TRIM55: variants seen among roughly 807,000 people sequenced by gnomAD.
TRIM55 encodes the protein tripartite motif containing 55, also known as tripartite motif-containing protein 55.
Under a neutral mutation model 60.9 loss-of-function variants are expected in TRIM55, and 50 were observed. That is an observed-to-expected ratio of 0.82 (90% CI 0.65 to 1.04). The LOEUF is 1.04. Among genes scored for constraint, TRIM55 ranks in the 50% least tolerant of loss-of-function variants. TRIM55 has a pLI of 0.00. For synonymous variants in TRIM55, 237 were observed against 238.1 expected (o/e 1.00, Z 0.04); for missense variants, 681 against 666.9 (o/e 1.02, Z -0.23).
intron 9 of TRIM55, among the ~76,000 whole-genome samples, chr8:66,171,211 GT>G (rs911203024): frequency 6.6e-6 from 1 of 152,116 alleles, no homozygotes; most frequent in African/African-American, 2.4e-5. Flanking sequence ...CTCATTAGTT[GT>G]TTTTCCTGAT....
intron 9 of TRIM55, among the ~76,000 whole-genome samples, chr8:66,159,535 T>A (rs1810930372): frequency 6.6e-6 from 1 of 152,220 alleles, no homozygotes; most frequent in Admixed American, 6.5e-5. Context: ...CATGTTTTCA[T>A]CTCTCTTGAG....
At chr8:66,174,402 A>G (rs1811807310) in intron 9 of TRIM55, 69 bp from the exon 10 acceptor site, 5 of 1,478,142 alleles carry the variant, frequency 3.4e-6, no homozygotes, top group Middle Eastern at 1.8e-4. Context: ...CCTCAATAGA[A>G]AAGTGACTGG....
At chr8:66,154,002 TC>T in intron 8 of TRIM55, 44 bp from the exon 9 acceptor site, 2 of 1,454,858 alleles carry the variant, frequency 1.4e-6, no homozygotes, top group South Asian at 1.3e-5. Context: ...TTCTTCTTCT[TC>T]TTTTTTTTTT....
At chr8:66,142,388 G>A (rs1240102493) in intron 4 of TRIM55, among the ~76,000 whole-genome samples, 1 of 152,312 alleles carries the variant, frequency 6.6e-6, no homozygotes, top group South Asian at 2.1e-4. Flanking sequence ...TGTGGCAACT[G>A]GAAATATAGG....
intron 4 of TRIM55, among the ~76,000 whole-genome samples, chr8:66,146,367 CA>C (rs887409179): frequency 1.4e-4 from 21 of 151,318 alleles, no homozygotes; most frequent in East Asian, 3.9e-4. Context: ...TTTAAACTGC[CA>C]AAAAAAATTA....
At chr8:66,144,556 A>C (rs1810002709) in intron 4 of TRIM55, among the ~76,000 whole-genome samples, 1 of 152,234 alleles carries the variant, frequency 6.6e-6, no homozygotes, top group African/African-American at 2.4e-5. Flanking sequence ...TGCTAAGCAC[A>C]CTCACACAGG....
the TRIM55 span, among the ~76,000 whole-genome samples, chr8:66,120,936 G>A: frequency 6.6e-6 from 1 of 152,200 alleles, no homozygotes. Flanking sequence ...GTTGGTGTCT[G>A]AAGTCAGGAC....
intron 9 of TRIM55, 96 bp downstream of exon 9, chr8:66,154,430 CAG>C: frequency 1.5e-6 from 2 of 1,316,394 alleles, no homozygotes; most frequent in Non-Finnish European, 2.1e-6. Context: ...TTCAAAGGGG[CAG>C]AGAGAAACCT....
chr8:66,152,399 A>C lies in TRIM55; in HGVS notation c.1008A>C (p.Glu336Asp). ...CAGAAGATGAAGATGAAGAAGAAGA[A>C]GAAGGCGGAGAAGGAGAAAAAGAAG... ...FYREDEDEEE[E>D]EGGEGEKEGE... is the part of the protein sequence containing the mutation. The change falls in exon 8 of 10, where the codon GAA becomes GAC. Residue 336 changes from glutamate (E) to aspartate (D), a missense_variant. By Grantham distance (45) the Glu-to-Asp change is conservative. Transcript: ENST00000315962. The C allele has an allele frequency of 6.2e-7, 1 of 1,601,374 alleles. No individual in the cohort carries two copies. The highest frequency in any genetic ancestry group is 8.5e-7 in the Non-Finnish European group (1 of 1,173,054).
At chr8:66,134,179 C>T (rs1360161196) in intron 2 of TRIM55, among the ~76,000 whole-genome samples, 1 of 152,132 alleles carries the variant, frequency 6.6e-6, no homozygotes, top group Admixed American at 6.5e-5. Context: ...AAAATGTAGT[C>T]CCAAATCTAA....
Position 66,127,255 on chromosome 8 carries a change from G to A in TRIM55, c.-14G>A, listed in dbSNP as rs773168450. On this transcript the variant is annotated 5_prime_UTR_variant, in exon 1 of 10. Transcript: ENST00000315962. Reference sequence around the variant, plus strand: ...GCACCCTTCCCTGGCAGCACACTTGGGGACAGCGAGGAGATGAGCGCATCT... The same window carrying A: ...GCACCCTTCCCTGGCAGCACACTTGAGGACAGCGAGGAGATGAGCGCATCT... The A allele has an allele frequency of 9.9e-6, 16 of 1,610,718 alleles. No homozygotes were observed. In the African/African-American group the frequency reaches 1.5e-4, roughly 15 times the overall value.
intron 9 of TRIM55, among the ~76,000 whole-genome samples, chr8:66,172,919 T>G (rs1464471436): frequency 1.3e-5 from 2 of 152,204 alleles, no homozygotes; most frequent in African/African-American, 4.8e-5. Context: ...TTCGGGGTTT[T>G]TTGTTGTTGT....
At chr8:66,121,007 A>G in the TRIM55 span, among the ~76,000 whole-genome samples, 1 of 151,834 alleles carries the variant, frequency 6.6e-6, no homozygotes, top group East Asian at 1.9e-4. Flanking sequence ...TCAGAATTCC[A>G]TTGCAGATCT....
chr8:66,164,029 A>G (rs1376240907), intron 9 of TRIM55, among the ~76,000 whole-genome samples: 1 of 151,742 alleles, frequency 6.6e-6, no homozygotes, highest in Non-Finnish European at 1.5e-5. Context: ...TTAAAGCAAA[A>G]CTTGTCTACC....
chr8:66,114,660 A>G, the TRIM55 span: 2 of 456,270 alleles, frequency 4.4e-6, no homozygotes, highest in Admixed American at 4.7e-5. Flanking sequence ...ATTACTTTGA[A>G]CGTTTGCTCA....
intron 9 of TRIM55, among the ~76,000 whole-genome samples, chr8:66,158,334 C>T (rs1563387473): frequency 6.6e-6 from 1 of 152,146 alleles, no homozygotes; most frequent in Non-Finnish European, 1.5e-5. Flanking sequence ...GCCCTGAAAG[C>T]TTTACTATAT....
At chr8:66,144,475 C>T (rs1227109667) in intron 4 of TRIM55, among the ~76,000 whole-genome samples, 2 of 152,176 alleles carry the variant, frequency 1.3e-5, no homozygotes, top group Non-Finnish European at 2.9e-5. Context: ...TGTGCAGCAG[C>T]CAGAGGCTTT....
At chr8:66,154,774 T>C (rs1321679417) in intron 9 of TRIM55, among the ~76,000 whole-genome samples, 1 of 152,214 alleles carries the variant, frequency 6.6e-6, no homozygotes, top group African/African-American at 2.4e-5. Flanking sequence ...GGAGCACACT[T>C]GAGTTTTAAG....
At position 66,127,227 on chromosome 8, in the gene TRIM55, G is replaced by A. The variant is rs149663986; in HGVS notation, c.-42G>A. 24 of 1,586,804 alleles carry A rather than the reference G, an allele frequency of 1.5e-5. No individual in the cohort carries two copies. The highest frequency in any genetic ancestry group is 9.4e-5 in the African/African-American group (7 of 74,218). On this transcript the variant is annotated 5_prime_UTR_variant, in exon 1 of 10. Transcript: ENST00000315962. ...CAGGAAACACTTGCTGGAGCCACTC[G>A]CAGCACCCTTCCCTGGCAGCACACT...
Sources: gnomAD v4.1 joint callset for allele counts (sites outside exome capture counted in the v4.1 genomes callset) on GRCh38, gnomAD v4.1.1 for gene constraint, MANE v1.5 for transcripts, NCBI Gene and HGNC (gene_info 2026-07-23, HGNC 2026-07-21) for gene names.